Variants in ZNF430 observed in about 807,000 individuals in gnomAD.
ZNF430 encodes the protein zinc finger protein 430.
In ZNF430, 35 loss-of-function variants were observed where a neutral mutation model predicts 56.7. The observed-to-expected ratio is 0.62, with a 90% confidence interval of 0.47 to 0.82. ZNF430 has a LOEUF of 0.82. Among genes scored for constraint, ZNF430 ranks in the 40% least tolerant of loss-of-function variants. The pLI, the probability that ZNF430 is intolerant of heterozygous loss-of-function variation, is 0.00. For missense variants in ZNF430, 574 were observed against 661.0 expected (o/e 0.87, Z 1.44); for synonymous variants, 212 against 224.3 (o/e 0.94, Z 0.49).
intron 4 of ZNF430, among the ~76,000 whole-genome samples, chr19:21,039,174 C>G (rs1402210573): frequency 6.6e-6 from 1 of 152,112 alleles, no homozygotes; most frequent in East Asian, 1.9e-4. Context: ...GTCTCAAACT[C>G]CTGACCTCAA....
chr19:21,050,818 A>T (rs1331491694), intron 4 of ZNF430, among the ~76,000 whole-genome samples: 1 of 152,168 alleles, frequency 6.6e-6, no homozygotes, highest in Non-Finnish European at 1.5e-5. Context: ...GCCCGAGGTC[A>T]GGAGTTCAAG....
rs189681471 is a variant in ZNF430, at chr19:21,041,079, T to C, written c.322+6895T>C. 3.0e-3 allele frequency among the ~76,000 whole-genome samples: 464 copies of C among 152,352 alleles called. 5 individuals carry two copies. The highest frequency in any genetic ancestry group is 5.3e-3 in the Non-Finnish European group (362 of 68,032). On this transcript the variant is annotated intron_variant, in intron 4 of 4. Coordinates refer to ENST00000261560, the MANE Select transcript of ZNF430 (RefSeq NM_025189.4). ...TGAGTCTGTTATAGACAGCGTATTG[T>C]ATGCTTTTTTACTTAAACTACTCAG... is the stretch of plus-strand genomic sequence containing the variant.
chr19:21,051,565 C>T (rs563912194), intron 4 of ZNF430, among the ~76,000 whole-genome samples: 5 of 152,278 alleles, frequency 3.3e-5, no homozygotes, highest in South Asian at 2.1e-4. Flanking sequence ...GCGATCTCGG[C>T]GCACTGCAAC....
intron 4 of ZNF430, among the ~76,000 whole-genome samples, chr19:21,042,491 A>G (rs1422127371): frequency 6.6e-6 from 1 of 152,040 alleles, no homozygotes; most frequent in East Asian, 1.9e-4. Context: ...TGACTTTTTA[A>G]TAATCACGAT....
chr19:21,021,574 G>A (rs1455784604), intron 1 of ZNF430, among the ~76,000 whole-genome samples: 3 of 152,106 alleles, frequency 2.0e-5, no homozygotes, highest in Non-Finnish European at 2.9e-5. Context: ...AAACTGTTGA[G>A]CACCCAGCTG....
At position 21,033,357 on chromosome 19, in the gene ZNF430, A is replaced by G. The variant is rs980981101; in HGVS notation, c.97-99A>G. 43 of 1,471,636 alleles carry G rather than the reference A, an allele frequency of 2.9e-5. No homozygotes were observed. In the African/African-American group the frequency reaches 5.8e-4, roughly 20 times the overall value. 91.2% of individuals were successfully genotyped at this position (1,471,636 alleles called of 1,614,324 possible). A position where few individuals can be genotyped will look rare whatever the true frequency, so the allele number is the denominator to read the frequency against. ...CAGTCATTCCTGCAAATCAGAACCA[A>G]TTCTCTTTATTCTGTCATTTCACTT... On this transcript the variant is annotated intron_variant, in intron 2 of 4. Coordinates refer to ENST00000261560, the MANE Select transcript of ZNF430 (RefSeq NM_025189.4).
chr19:21,029,942 T>C (rs1204222697), intron 2 of ZNF430, among the ~76,000 whole-genome samples: 1 of 151,928 alleles, frequency 6.6e-6, no homozygotes, highest in African/African-American at 2.4e-5. Context: ...TCCAGCCTGG[T>C]GACAGAGCGA....
At chr19:21,044,436 T>C (rs1248025502) in intron 4 of ZNF430, among the ~76,000 whole-genome samples, 1 of 152,240 alleles carries the variant, frequency 6.6e-6, no homozygotes, top group Non-Finnish European at 1.5e-5. Flanking sequence ...TGAAGCTGAC[T>C]TGATCGCGGT....
At chr19:21,022,729 A>G (rs1967718387) in intron 1 of ZNF430, 60 bp from the exon 2 acceptor site, 3 of 1,212,962 alleles carry the variant, frequency 2.5e-6, no homozygotes, top group African/African-American at 3.0e-5. Context: ...GATATCCGCC[A>G]TGGTTATGTC....
At position 21,057,221 on chromosome 19, in the gene ZNF430, A is replaced by C. The variant is rs754692725; in HGVS notation, c.913A>C (p.Thr305Pro). The C allele has an allele frequency of 1.9e-6, 3 of 1,613,748 alleles. No homozygotes were observed. In the Admixed American group the frequency reaches 5.0e-5, roughly 27 times the overall value. Residue 305 changes from threonine to proline, a missense_variant, in exon 5 of 5, where the codon ACT becomes CCT. This residue lies in a region of ZNF430 where 346 missense variants were observed against 399.1 expected (regional missense o/e 0.87). Coordinates refer to ENST00000261560, the MANE Select transcript of ZNF430 (RefSeq NM_025189.4). The part of the protein sequence containing the change: ...GKTFNRSSHL[T>P]THKRIHTGEK... ...AACCTTTAACCGGTCCTCACACCTTACTACACATAAAAGAATTCATACTGG... is the reference window on the plus strand; with the variant it reads ...AACCTTTAACCGGTCCTCACACCTTCCTACACATAAAAGAATTCATACTGG...
Position 21,052,082 on chromosome 19 carries a change from G to T in ZNF430, c.323-4549G>T, listed in dbSNP as rs372955542. ...TATTTCAACCTTTGAACAGGAGCAT[G>T]CTGGAGAATGTGTTTAATATCTATA... is the stretch of plus-strand genomic sequence containing the variant. On this transcript the variant is annotated intron_variant, in intron 4 of 4. Transcript: ENST00000261560. Among the ~76,000 whole-genome samples the T allele has an allele frequency of 2.6e-5, 4 of 152,132 alleles. No individual in the cohort carries two copies. In the South Asian group the frequency reaches 8.3e-4, roughly 31 times the overall value.
chr19:21,027,359 G>A (rs1381176487), intron 2 of ZNF430, among the ~76,000 whole-genome samples: 2 of 152,118 alleles, frequency 1.3e-5, no homozygotes, highest in African/African-American at 4.8e-5. Context: ...CATGAAAAAT[G>A]TTAAATTATA....
In ZNF430 at chr19:21,057,142, A is replaced by G. The variant is rs770054758; in HGVS notation, c.834A>G (p.Thr278=). Residue 278 remains threonine (T), a synonymous_variant, in exon 5 of 5, where the codon ACA becomes ACG. Coordinates refer to ENST00000261560, the MANE Select transcript of ZNF430 (RefSeq NM_025189.4). ...KAFKQSSTLT[T]HKIIHTGEKP... is the part of the protein sequence containing the mutation. ...TTAAGCAGTCCTCAACCCTTACTAC[A>G]CATAAGATAATTCATACTGGAGAGA... is the stretch of plus-strand genomic sequence containing the variant. 4.3e-6 allele frequency: 7 copies of G among 1,613,960 alleles called. No homozygotes were observed. In the African/African-American group the frequency reaches 8.0e-5, roughly 18 times the overall value.
intron 2 of ZNF430, 105 bp downstream of exon 2, chr19:21,022,986 A>T: frequency 1.2e-6 from 1 of 841,878 alleles, no homozygotes; most frequent in Non-Finnish European, 2.0e-6. Flanking sequence ...GGGGAAAACA[A>T]ATAATTTTTG....
intron 4 of ZNF430, among the ~76,000 whole-genome samples, chr19:21,044,615 G>A (rs540083961): frequency 2.0e-5 from 3 of 152,260 alleles, no homozygotes; most frequent in South Asian, 2.1e-4. Context: ...TTAGAGTGGA[G>A]TCCCTCTTTT....
intron 4 of ZNF430, among the ~76,000 whole-genome samples, chr19:21,043,795 A>G (rs1238320758): frequency 2.0e-5 from 3 of 151,826 alleles, no homozygotes; most frequent in Non-Finnish European, 4.4e-5. Context: ...GTTTTCCTTA[A>G]AGAGGTCCTT....
chr19:21,058,153 A>G lies in ZNF430; in HGVS notation c.*132A>G, dbSNP rs183748202. 1 of 897,260 alleles carries G rather than the reference A, an allele frequency of 1.1e-6. No homozygotes were observed. The highest frequency in any genetic ancestry group is 2.6e-5 in the East Asian group (1 of 37,918). 55.6% of individuals were successfully genotyped at this position (897,260 alleles called of 1,614,324 possible). On this transcript the variant is annotated 3_prime_UTR_variant, in exon 5 of 5. Coordinates refer to ENST00000261560, the MANE Select transcript of ZNF430 (RefSeq NM_025189.4). ...AAGTCCTCAATTCTTACCAGACATAAGATAATTCTGGCTGGGTGCGGTGGC... is the reference window on the plus strand; with the variant it reads ...AAGTCCTCAATTCTTACCAGACATAGGATAATTCTGGCTGGGTGCGGTGGC...
At chr19:21,056,542 TA>T in intron 4 of ZNF430, 88 bp from the exon 5 acceptor site, 1 of 962,308 alleles carries the variant, frequency 1.0e-6, no homozygotes, top group Non-Finnish European at 1.5e-6. Context: ...CTTGTTTATG[TA>T]GTTTGTATAA....
intron 4 of ZNF430, among the ~76,000 whole-genome samples, chr19:21,045,832 G>T (rs1968178738): frequency 1.3e-5 from 2 of 152,018 alleles, no homozygotes; most frequent in African/African-American, 2.4e-5. Flanking sequence ...AGTCTATTTT[G>T]TCAGAAACTA....
Sources: gnomAD v4.1 joint callset for allele counts (sites outside exome capture counted in the v4.1 genomes callset) on GRCh38, gnomAD v4.1.1 for gene constraint, gnomAD v4.1.1 regional missense constraint, MANE v1.5 for transcripts, NCBI Gene and HGNC (gene_info 2026-07-23, HGNC 2026-07-21) for gene names.